The following TECTB variants were observed in gnomAD, a reference collection of about 807,000 sequenced individuals.
TECTB encodes the protein tectorin beta.
Under a neutral mutation model 43.3 loss-of-function variants are expected in TECTB, and 45 were observed. The observed-to-expected ratio is 1.04, with a 90% confidence interval of 0.82 to 1.33. The LOEUF (loss-of-function observed/expected upper bound fraction) is 1.33. Ranked by LOEUF, TECTB falls within the 40% of genes most tolerant of loss-of-function variation. The pLI is 0.00. For synonymous variants in TECTB, 169 were observed against 156.7 expected (o/e 1.08, Z -0.59); for missense variants, 399 against 404.7 (o/e 0.99, Z 0.12).
At chr10:112,290,921 G>C (rs1276879661) in intron 5 of TECTB, among the ~76,000 whole-genome samples, 4 of 152,208 alleles carry the variant, frequency 2.6e-5, no homozygotes, top group Non-Finnish European at 5.9e-5. Flanking sequence ...AAACAAAAGA[G>C]ATTCTGAGTC....
At chr10:112,296,022 G>A (rs374118494) in intron 7 of TECTB, among the ~76,000 whole-genome samples, 32 of 152,224 alleles carry the variant, frequency 2.1e-4, no homozygotes, top group African/African-American at 7.7e-4. Context: ...AAGACATCCC[G>A]ACCCATTTCT....
At chr10:112,296,165 GA>G (rs1033016506) in intron 7 of TECTB, among the ~76,000 whole-genome samples, 29 of 148,444 alleles carry the variant, frequency 2.0e-4, no homozygotes, top group African/African-American at 4.5e-4. Context: ...GGCCCCTTTG[GA>G]AAAAAAAAAC....
At position 112,303,480 on chromosome 10, in the gene TECTB, C is replaced by T. The variant is rs1219215814; in HGVS notation, c.*168C>T. ...AATAATTTCTGTGAATTTGGTGATG[C>T]CTTTTTCTTTCTAAGAAAAACTTAG... On this transcript the variant is annotated 3_prime_UTR_variant, in exon 11 of 11. Transcript: ENST00000646139. 2 of 800,264 alleles carry T rather than the reference C, an allele frequency of 2.5e-6. No homozygotes were observed. Among genetic ancestry groups the T allele is most frequent in the South Asian group, 1.9e-5 (1 of 53,208 alleles). 49.6% of individuals were successfully genotyped at this position (800,264 alleles called of 1,614,324 possible).
Position 112,283,807 on chromosome 10 carries a change from G to T in TECTB, c.73G>T (p.Ala25Ser). The stretch of plus-strand genomic sequence containing the variant: ...TGCAAAATCGTGTGCTCCAAATAAA[G>T]CAGGTATGTCCTCGCCAAGTCCATT... ...ASAKSCAPNK[A>S]DVILVFCYPK... is the part of the protein sequence containing the mutation. The change falls in exon 2 of 11, where the codon GCA becomes TCA. Residue 25 changes from alanine (A) to serine (S), a missense_variant. Physicochemically the swap from Ala to Ser is moderately conservative, Grantham distance 99. Coordinates refer to ENST00000646139, the MANE Select transcript of TECTB (RefSeq NM_058222.3). 6.2e-7 allele frequency: 1 copy of T among 1,613,796 alleles called. No individual in the cohort carries two copies. The highest frequency in any genetic ancestry group is 8.5e-7 in the Non-Finnish European group (1 of 1,179,872).
At chr10:112,297,050 C>G (rs1269696207) in intron 7 of TECTB, among the ~76,000 whole-genome samples, 1 of 152,210 alleles carries the variant, frequency 6.6e-6, no homozygotes, top group Admixed American at 6.5e-5. Context: ...CTGTTTCCAA[C>G]ACCTAGTTAA....
At position 112,286,288 on chromosome 10, in the gene TECTB, G is replaced by C. The variant is rs372405133; in HGVS notation, c.411-31G>C. On this transcript the variant is annotated intron_variant, in intron 4 of 10. Transcript: ENST00000646139. ...AGGTCCTATCAATCAGCGTGTTTCA[G>C]TCCTTATGCAAAATTCTCTCCCCTT... 29 of 1,611,482 alleles carry C rather than the reference G, an allele frequency of 1.8e-5. No homozygotes were observed. The African/African-American group carries it at 3.6e-4, about 20-fold the overall frequency.
Position 112,298,175 on chromosome 10 carries a change from G to A in TECTB, c.778G>A (p.Val260Met), listed in dbSNP as rs541643277. The change falls in exon 8 of 11, where the codon GTG becomes ATG. Residue 260 changes from valine (V) to methionine (M), a missense_variant. Coordinates refer to ENST00000646139, the MANE Select transcript of TECTB (RefSeq NM_058222.3). ...CCAGAACATCCCCAAACTCTCCAAG[G>A]TGTGGTTACACTGTGAGACGTTCAT... Reference protein sequence around the residue: ...RFQNIPKLSKVWLHCETFICD... With the variant: ...RFQNIPKLSKMWLHCETFICD... 20 of 1,614,206 alleles carry A rather than the reference G, an allele frequency of 1.2e-5. 1 individual carries two copies. The Admixed American group carries it at 3.2e-4, about 26-fold the overall frequency.
Position 112,283,677 on chromosome 10 carries a change from C to G in TECTB, c.-58C>G. 1 of 1,554,726 alleles carries G rather than the reference C, an allele frequency of 6.4e-7. No homozygotes were observed. The highest frequency in any genetic ancestry group is 8.9e-7 in the Non-Finnish European group (1 of 1,129,230). ...ATCGAGGCTCAGGCCCTGGAAGGAC[C>G]GTAAACATTTGGCCAGCTTGGTTTG... On this transcript the variant is annotated 5_prime_UTR_variant, in exon 2 of 11. Transcript: ENST00000646139.
chr10:112,296,752 C>T (rs1341532737), intron 7 of TECTB, among the ~76,000 whole-genome samples: 2 of 152,108 alleles, frequency 1.3e-5, no homozygotes, highest in South Asian at 4.1e-4. Flanking sequence ...CTTGGCCCCC[C>T]GTTGTCTGTT....
rs1280654015 is a variant in TECTB at position 112,304,888 on chromosome 10, CT to C, written c.*1578del. On this transcript the variant is annotated 3_prime_UTR_variant, in exon 11 of 11. Coordinates refer to ENST00000646139, the MANE Select transcript of TECTB (RefSeq NM_058222.3). The stretch of plus-strand genomic sequence containing the variant: ...ATTTTATTGGTTCTAGTAGAAAACT[CT>C]TAAATAGCATACTCATAGCCATGTT... 3 of 152,128 alleles carry C rather than the reference CT, an allele frequency of 2.0e-5. No homozygotes were observed. The highest frequency in any genetic ancestry group is 7.2e-5 in the African/African-American group (3 of 41,422). The allele number at this position is 152,128 out of a possible 1,614,324, so 9.4% of individuals were successfully genotyped here.
intron 3 of TECTB, 135 bp from the exon 4 acceptor site, chr10:112,285,936 T>C: frequency 8.9e-7 from 1 of 1,120,764 alleles, no homozygotes; most frequent in East Asian, 2.4e-5. Flanking sequence ...GAAGAGTGGA[T>C]GCCACCGTCA....
intron 5 of TECTB, among the ~76,000 whole-genome samples, chr10:112,292,521 A>G (rs971104440): frequency 1.3e-5 from 2 of 151,706 alleles, no homozygotes; most frequent in Non-Finnish European, 2.9e-5. Context: ...GGCAACCTCC[A>G]CCTCCCAGGT....
chr10:112,283,674 G>T lies in TECTB; in HGVS notation c.-61G>T. 6.6e-7 allele frequency: 1 copy of T among 1,524,164 alleles called. No homozygotes were observed. 94.4% of individuals were successfully genotyped at this position (1,524,164 alleles called of 1,614,324 possible). Reference sequence around the variant, plus strand: ...ATGATCGAGGCTCAGGCCCTGGAAGGACCGTAAACATTTGGCCAGCTTGGT... The same window carrying T: ...ATGATCGAGGCTCAGGCCCTGGAAGTACCGTAAACATTTGGCCAGCTTGGT... On this transcript the variant is annotated 5_prime_UTR_variant, in exon 2 of 11. Transcript: ENST00000646139.
chr10:112,300,264 AAG>A (rs1258905049), intron 9 of TECTB, among the ~76,000 whole-genome samples: 2 of 38,642 alleles, frequency 5.2e-5, no homozygotes, highest in Non-Finnish European at 4.8e-5. Flanking sequence ...GAAAGAAAGA[AAG>A]AAAGAAAGAA....
chr10:112,299,383 C>A, intron 8 of TECTB, 109 bp from the exon 9 acceptor site: 1 of 1,038,120 alleles, frequency 9.6e-7, no homozygotes. Flanking sequence ...TGTGACTCCA[C>A]CCCATTTGTG....
At chr10:112,300,279 A>AAAGAAAGAAAGAAAAGAAAG (rs1361291056) in intron 9 of TECTB, among the ~76,000 whole-genome samples, 99 of 48,312 alleles carry the variant, frequency 2.0e-3, no homozygotes, top group Non-Finnish European at 2.8e-3. Context: ...AGAAAGAAAG[A>AAAGAAAGAAAGAAAAGAAAG]AAAGAAAGAA....
chr10:112,289,873 G>A (rs981594076), intron 5 of TECTB, among the ~76,000 whole-genome samples: 7 of 151,948 alleles, frequency 4.6e-5, no homozygotes, highest in African/African-American at 9.7e-5. Flanking sequence ...TTTTTTCACC[G>A]CTACTTCACA....
In TECTB at chr10:112,303,485, T is replaced by G; in HGVS notation, c.*173T>G. The G allele has an allele frequency of 1.3e-6, 1 of 771,936 alleles. No individual in the cohort carries two copies. Among genetic ancestry groups the G allele is most frequent in the Non-Finnish European group, 2.1e-6 (1 of 478,382 alleles). 47.8% of individuals were successfully genotyped at this position (771,936 alleles called of 1,614,324 possible). ...TTTCTGTGAATTTGGTGATGCCTTT[T>G]TCTTTCTAAGAAAAACTTAGGCTAC... On this transcript the variant is annotated 3_prime_UTR_variant, in exon 11 of 11. Transcript: ENST00000646139.
intron 10 of TECTB, chr10:112,302,751 A>AT: frequency 5.7e-6 from 1 of 176,458 alleles, no homozygotes; most frequent in South Asian, 1.8e-4. Flanking sequence ...TCCCTTGCCA[A>AT]TATGTGTAGA....
Sources: gnomAD v4.1 joint callset for allele counts (sites outside exome capture counted in the v4.1 genomes callset) on GRCh38, gnomAD v4.1.1 for gene constraint, MANE v1.5 for transcripts, NCBI Gene and HGNC (gene_info 2026-07-23, HGNC 2026-07-21) for gene names.